Variants in PTPRN2 observed in about 807,000 individuals in gnomAD.
PTPRN2 encodes receptor-type tyrosine-protein phosphatase N2.
A neutral mutation model predicts 118.8 loss-of-function variants in PTPRN2; 74 were observed. That is an observed-to-expected ratio of 0.62 (90% confidence interval 0.52 to 0.76). The LOEUF is 0.76. Ranked by LOEUF, PTPRN2 falls within the 30% of genes least tolerant of loss-of-function variation. The probability of loss-of-function intolerance (pLI) is 0.00; values close to 1 mark genes in which losing one functional copy is unlikely to be tolerated. For missense variants in PTPRN2, 1,481 were observed against 1,394.4 expected (o/e 1.06, Z -0.99); for synonymous variants, 641 against 608.0 (o/e 1.05, Z -0.80).
chr7:157,551,510 C>T (rs1211945246), intron 21 of PTPRN2, among the ~76,000 whole-genome samples: 1 of 150,108 alleles, frequency 6.7e-6, no homozygotes, highest in Non-Finnish European at 1.5e-5. Context: ...ATGCACCCCA[C>T]ACACCCCACT....
Position 157,587,044 on chromosome 7 carries a change from A to G in PTPRN2, c.2496+8194T>C, listed in dbSNP as rs1027620499. On this transcript the variant is annotated intron_variant, in intron 17 of 22. Transcript: ENST00000389418. The surrounding 1 kb of genome is among the most constrained non-coding windows in gnomAD (Gnocchi z 5.3). ...GGCTGATCAAGGAAGCTGCCCAGAG[A>G]CAGTGCATGGTGTGGAATCCAGGCC... Among the ~76,000 whole-genome samples the G allele has an allele frequency of 6.6e-6, 1 of 152,050 alleles. No homozygotes were observed. The highest frequency in any genetic ancestry group is 2.4e-5 in the African/African-American group (1 of 41,402).
intron 13 of PTPRN2, among the ~76,000 whole-genome samples, chr7:157,660,848 G>C (rs575743086): frequency 8.7e-4 from 133 of 152,260 alleles, no homozygotes; most frequent in Middle Eastern, 3.4e-3. Context: ...TCCGCCTCCC[G>C]GGTTCAAGCG....
rs535213824 is a variant in PTPRN2, at chr7:157,632,610, CA to C, written c.2197-11102del. Among the ~76,000 whole-genome samples, 10 of 152,172 alleles carry C rather than the reference CA, an allele frequency of 6.6e-5. No homozygotes were observed. Among genetic ancestry groups the C allele is most frequent in the South Asian group, 2.1e-4 (1 of 4,808 alleles). On this transcript the variant is annotated intron_variant, in intron 14 of 22. Coordinates refer to ENST00000389418, the MANE Select transcript of PTPRN2 (RefSeq NM_002847.5). The surrounding 1 kb of genome is among the most constrained non-coding windows in gnomAD (Gnocchi z 4.3). The stretch of plus-strand genomic sequence containing the variant: ...AGGGAGTGTGCGTAGGAGGGGGTGA[CA>C]GGGGTCACCTGCAGAAAGACTAAGA...
intron 12 of PTPRN2, among the ~76,000 whole-genome samples, chr7:157,851,377 GC>G (rs139200314): frequency 0.032 from 4,935 of 152,244 alleles, 277 homozygotes; most frequent in African/African-American, 0.11. Context: ...ATAAAAATGC[GC>G]TTTCTTTAAT....
At chr7:158,514,766 A>G (rs916718472) in intron 1 of PTPRN2, among the ~76,000 whole-genome samples, 1 of 152,230 alleles carries the variant, frequency 6.6e-6, no homozygotes, top group Non-Finnish European at 1.5e-5. Flanking sequence ...AAAATAAAAC[A>G]TAAGAGGATG....
At position 158,071,583 on chromosome 7, in the gene PTPRN2, C is replaced by CTTGTGGTGATGGAGGTGCTTGTGG. The variant is rs1563392166; in HGVS notation, c.1723+9714_1723+9715insCCACAAGCACCTCCATCACCACAA. Among the ~76,000 whole-genome samples the CTTGTGGTGATGGAGGTGCTTGTGG allele has an allele frequency of 5.6e-4, 6 of 10,660 alleles. 1 individual carries two copies. Among genetic ancestry groups the CTTGTGGTGATGGAGGTGCTTGTGG allele is most frequent in the Admixed American group, 1.1e-3 (1 of 906 alleles). The allele number at this position is 10,660 out of a possible 152,430, so 7.0% of individuals were successfully genotyped here. A position where few individuals can be genotyped will look rare whatever the true frequency, so the allele number is the denominator to read the frequency against. On this transcript the variant is annotated intron_variant, in intron 11 of 22. Transcript: ENST00000389418. ...GGAGGTGCTCCTGGTGGAGGTGCTC[C>CTTGTGGTGATGGAGGTGCTTGTGG]TGGTGGAGGTGCTCCTGGTGGAGGT...
At chr7:158,018,134 A>G (rs192075389) in intron 11 of PTPRN2, among the ~76,000 whole-genome samples, 1 of 152,230 alleles carries the variant, frequency 6.6e-6, no homozygotes, top group East Asian at 1.9e-4. Context: ...ATGGCTAGGG[A>G]AGGGAATTTA....
intron 18 of PTPRN2, among the ~76,000 whole-genome samples, chr7:157,577,414 T>G (rs972598856): frequency 1.3e-5 from 2 of 152,238 alleles, no homozygotes; most frequent in Non-Finnish European, 1.5e-5. Context: ...AATCAAAGCA[T>G]GCATTCTAGT....
At chr7:158,137,150 G>A (rs1818899269) in intron 7 of PTPRN2, among the ~76,000 whole-genome samples, 1 of 152,178 alleles carries the variant, frequency 6.6e-6, no homozygotes, top group Non-Finnish European at 1.5e-5. Flanking sequence ...TGGGCGCGGT[G>A]GCTCACGCCT....
At chr7:158,423,763 C>T (rs909206559) in intron 2 of PTPRN2, among the ~76,000 whole-genome samples, 1 of 152,062 alleles carries the variant, frequency 6.6e-6, no homozygotes, top group Non-Finnish European at 1.5e-5. Context: ...CGCCCACCTC[C>T]GCCTCCCAAA....
intron 1 of PTPRN2, among the ~76,000 whole-genome samples, chr7:158,492,623 T>G (rs10282270): frequency 0.25 from 37,523 of 152,202 alleles, 4,695 homozygotes; most frequent in South Asian, 0.37. Context: ...AGCAGCAGCA[T>G]TTCACATGAT....
intron 11 of PTPRN2, among the ~76,000 whole-genome samples, chr7:157,980,503 G>C (rs1022237870): frequency 2.0e-5 from 3 of 152,232 alleles, no homozygotes. Flanking sequence ...TGTCATCCCA[G>C]CACTTTGGGA....
intron 2 of PTPRN2, among the ~76,000 whole-genome samples, chr7:158,367,651 G>A (rs1353960978): frequency 1.3e-5 from 2 of 152,128 alleles, no homozygotes; most frequent in East Asian, 3.9e-4. Flanking sequence ...TTTGGAAATA[G>A]CCCCAAGAAG....
At chr7:157,687,536 AGATTTCAGTCCC>A (rs1304086434) in intron 12 of PTPRN2, among the ~76,000 whole-genome samples, 1 of 152,228 alleles carries the variant, frequency 6.6e-6, no homozygotes, top group Non-Finnish European at 1.5e-5. Context: ...CTAAGGAATC[AGATTTCAGTCCC>A]AGCCTCATCC....
chr7:158,412,592 T>C (rs1215608419), intron 2 of PTPRN2, among the ~76,000 whole-genome samples: 3 of 54,388 alleles, frequency 5.5e-5, no homozygotes, highest in Admixed American at 2.4e-4. Flanking sequence ...CCTCCTCAGC[T>C]CCAGGGCCCA....
chr7:158,343,540 C>G lies in PTPRN2; in HGVS notation c.164-26608G>C, dbSNP rs547020800. ...GGAAGTAGCAGATGATCCGACAGCC[C>G]CATTTGATTTTACACCCAATACCTG... On this transcript the variant is annotated intron_variant, in intron 2 of 22. Transcript: ENST00000389418. Among the ~76,000 whole-genome samples the G allele has an allele frequency of 2.0e-5, 3 of 152,296 alleles. No homozygotes were observed. In the East Asian group the frequency reaches 5.8e-4, roughly 29 times the overall value.
chr7:158,118,749 T>C (rs1816922673), intron 9 of PTPRN2, among the ~76,000 whole-genome samples: 2 of 152,234 alleles, frequency 1.3e-5, no homozygotes, highest in African/African-American at 4.8e-5. Context: ...TCGCCCAGGC[T>C]GGAGTGCAGT....
At chr7:158,272,727 G>A (rs188067986) in intron 3 of PTPRN2, among the ~76,000 whole-genome samples, 81 of 152,270 alleles carry the variant, frequency 5.3e-4, no homozygotes, top group African/African-American at 7.0e-4. Flanking sequence ...GGAGACAGTC[G>A]CATCTGCCAG....
chr7:158,132,438 A>G (rs60270099), intron 9 of PTPRN2, among the ~76,000 whole-genome samples: 100,070 of 150,346 alleles, frequency 0.67, 34,165 homozygotes, highest in African/African-American at 0.81. Context: ...ATACACACAT[A>G]CATATGCACA....
Sources: allele counts gnomAD v4.1 joint callset (sites outside exome capture counted in the v4.1 genomes callset), GRCh38; gene constraint gnomAD v4.1.1; non-coding constraint Gnocchi (gnomAD v3.1); transcripts MANE v1.5; gene names NCBI Gene and HGNC (gene_info 2026-07-23, HGNC 2026-07-21).